Variants in NELL1 observed in about 807,000 individuals in gnomAD.
The protein encoded by NELL1 is protein kinase C-binding protein NELL1.
A neutral mutation model predicts 107.4 loss-of-function variants in NELL1; 76 were observed. The ratio of observed to expected loss-of-function variants is 0.71; its 90% CI spans 0.59 to 0.86. The LOEUF is 0.86. Ranked by LOEUF, NELL1 falls within the 40% of genes least tolerant of loss-of-function variation. NELL1 has a pLI of 0.00. For missense variants in NELL1, 1,024 were observed against 1,005.5 expected (o/e 1.02, Z -0.25); for synonymous variants, 353 against 341.2 (o/e 1.03, Z -0.38).
At chr11:21,500,481 A>G (rs1266385563) in intron 15 of NELL1, among the ~76,000 whole-genome samples, 3 of 152,094 alleles carry the variant, frequency 2.0e-5, no homozygotes, top group African/African-American at 7.2e-5. Context: ...AGAAACATCC[A>G]ATTTATTATT....
intron 4 of NELL1, among the ~76,000 whole-genome samples, chr11:20,871,491 C>T (rs986420155): frequency 6.6e-6 from 1 of 152,162 alleles, no homozygotes; most frequent in Non-Finnish European, 1.5e-5. Context: ...TCTATCTAAT[C>T]TATCTAATCT....
At chr11:20,849,476 G>T (rs190078024) in intron 4 of NELL1, among the ~76,000 whole-genome samples, 1 of 152,154 alleles carries the variant, frequency 6.6e-6, no homozygotes, top group African/African-American at 2.4e-5. Context: ...GTCCTTCATG[G>T]AAACCATGAC....
intron 3 of NELL1, among the ~76,000 whole-genome samples, chr11:20,825,412 C>G (rs1225134744): frequency 6.6e-6 from 1 of 151,298 alleles, no homozygotes; most frequent in African/African-American, 2.4e-5. Context: ...ATTAAAGCAG[C>G]TGGGAAGGGA....
At chr11:20,898,004 C>T (rs1216520325) in intron 5 of NELL1, among the ~76,000 whole-genome samples, 3 of 152,140 alleles carry the variant, frequency 2.0e-5, no homozygotes, top group Non-Finnish European at 4.4e-5. Context: ...TTGTGAAAGT[C>T]AGTGTGGTGA....
At chr11:21,253,196 T>C (rs1858683626) in intron 14 of NELL1, among the ~76,000 whole-genome samples, 1 of 152,120 alleles carries the variant, frequency 6.6e-6, no homozygotes, top group South Asian at 2.1e-4. Flanking sequence ...AACCTCTTAA[T>C]GAAAGAATGA....
chr11:21,550,353 C>T (rs939763954), intron 16 of NELL1, among the ~76,000 whole-genome samples: 124 of 151,920 alleles, frequency 8.2e-4, no homozygotes, highest in Middle Eastern at 6.8e-3. Context: ...AATTAGGTCC[C>T]GTTTGTCAAT....
chr11:21,232,149 A>AAAAAAAAAT (rs1554985094), intron 14 of NELL1, among the ~76,000 whole-genome samples: 13 of 53,806 alleles, frequency 2.4e-4, no homozygotes, highest in Non-Finnish European at 4.7e-4. Context: ...AAAAAAAATA[A>AAAAAAAAAT]AAAAAAAAAA....
At chr11:21,468,786 T>C (rs1167362869) in intron 15 of NELL1, among the ~76,000 whole-genome samples, 1 of 152,010 alleles carries the variant, frequency 6.6e-6, no homozygotes, top group African/African-American at 2.4e-5. Flanking sequence ...AAAGGAGGCA[T>C]ATGTTCACCC....
chr11:21,549,620 A>G (rs890666227), intron 16 of NELL1, among the ~76,000 whole-genome samples: 1 of 151,870 alleles, frequency 6.6e-6, no homozygotes. Context: ...CATTTTTCTT[A>G]TTAATGAGTA....
intron 12 of NELL1, among the ~76,000 whole-genome samples, chr11:21,109,366 G>T (rs1357895756): frequency 1.3e-5 from 2 of 152,078 alleles, no homozygotes; most frequent in Non-Finnish European, 2.9e-5. Context: ...TACATGTCAG[G>T]TTAACTGTGG....
In NELL1 at chr11:21,236,041, CCAACA is replaced by C. The variant is rs796878199; in HGVS notation, c.1549+6588_1549+6592del. Among the ~76,000 whole-genome samples the C allele has an allele frequency of 6.1e-3, 935 of 152,154 alleles. 9 individuals carry two copies. Among genetic ancestry groups the C allele is most frequent in the African/African-American group, 0.021 (879 of 41,518 alleles). ...ACCTGAGAGTTAACTAATCATTCTC[CCAACA>C]GACCAGGCCAGATGGATGATTTCAT... On this transcript the variant is annotated intron_variant, in intron 14 of 19. Transcript: ENST00000357134.
intron 12 of NELL1, among the ~76,000 whole-genome samples, chr11:21,034,525 G>A (rs1853040923): frequency 6.6e-6 from 1 of 152,120 alleles, no homozygotes; most frequent in African/African-American, 2.4e-5. Context: ...AAATGCGAAA[G>A]ACCTGAAATC....
chr11:21,341,956 G>A (rs1000394071), intron 14 of NELL1, among the ~76,000 whole-genome samples: 4 of 152,194 alleles, frequency 2.6e-5, no homozygotes, highest in South Asian at 2.1e-4. Context: ...ATGTGTATGA[G>A]TTATTAATAT....
rs148790613 is a variant in NELL1, at chr11:21,194,782, T to C, written c.1427-34550T>C. On this transcript the variant is annotated intron_variant, in intron 13 of 19. Transcript: ENST00000357134. ...CACTGATTTGATCAACTTTCTAAGA[T>C]GGGGTAAACTGTTGAGGATGCACTC... is the stretch of plus-strand genomic sequence containing the variant. 1.5e-3 allele frequency among the ~76,000 whole-genome samples: 222 copies of C among 152,240 alleles called. 4 individuals carry two copies. The East Asian group carries it at 0.033, about 22-fold the overall frequency.
intron 12 of NELL1, among the ~76,000 whole-genome samples, chr11:21,059,304 T>C (rs896517383): frequency 1.3e-5 from 2 of 150,890 alleles, no homozygotes; most frequent in Non-Finnish European, 2.9e-5. Flanking sequence ...AGATAAAAAA[T>C]GTACCTAACT....
intron 13 of NELL1, among the ~76,000 whole-genome samples, chr11:21,149,530 TG>T (rs1425597842): frequency 6.6e-6 from 1 of 152,182 alleles, no homozygotes; most frequent in East Asian, 1.9e-4. Flanking sequence ...TGGAAGAGTA[TG>T]GGGGAATCCC....
chr11:20,809,433 T>A (rs541247783), intron 3 of NELL1, among the ~76,000 whole-genome samples: 1 of 152,260 alleles, frequency 6.6e-6, no homozygotes, highest in East Asian at 1.9e-4. Context: ...ATTGTTAAGT[T>A]TAGTTATCCA....
chr11:21,327,179 G>GT (rs1850164204), intron 14 of NELL1, among the ~76,000 whole-genome samples: 1 of 65,036 alleles, frequency 1.5e-5, no homozygotes, highest in Non-Finnish European at 3.2e-5. Context: ...TTTTTTTTTT[G>GT]TGGGGGGGAC....
intron 2 of NELL1, among the ~76,000 whole-genome samples, chr11:20,753,662 G>A (rs537266060): frequency 2.6e-4 from 39 of 152,292 alleles, no homozygotes; most frequent in African/African-American, 9.4e-4. Context: ...AAATTAATTA[G>A]CTCTTGTTAT....
Sources: gnomAD v4.1 joint callset for allele counts (sites outside exome capture counted in the v4.1 genomes callset) on GRCh38, gnomAD v4.1.1 for gene constraint, MANE v1.5 for transcripts, NCBI Gene and HGNC (gene_info 2026-07-23, HGNC 2026-07-21) for gene names.